The following SP2 variants were observed in gnomAD, a reference collection of about 807,000 sequenced individuals.
SP2 encodes transcription factor Sp2.
Under a neutral mutation model 50.1 loss-of-function variants are expected in SP2, and 9 were observed. The observed-to-expected ratio is 0.18, with a 90% CI of 0.11 to 0.31. The LOEUF is 0.31. Among genes scored for constraint, SP2 ranks in the 10% least tolerant of loss-of-function variants. The pLI, the probability that SP2 is intolerant of heterozygous loss-of-function variation, is 1.00. For synonymous variants in SP2, 313 were observed against 326.6 expected, an observed-to-expected ratio of 0.96 and a Z score of 0.45; for missense variants, 581 against 806.5, an observed-to-expected ratio of 0.72 and a Z score of 3.39.
chr17:47,928,246 C>T lies in SP2; in HGVS notation c.*422C>T, dbSNP rs1299392366. Reference sequence around the variant, plus strand: ...CTCTCCTGCACCTCCCTGGCCCTGCCGGCCACTGTGGACGCCCTGGGGCTT... The same window carrying T: ...CTCTCCTGCACCTCCCTGGCCCTGCTGGCCACTGTGGACGCCCTGGGGCTT... On this transcript the variant is annotated 3_prime_UTR_variant, in exon 7 of 7. Transcript: ENST00000376741. 4 of 162,080 alleles carry T rather than the reference C, an allele frequency of 2.5e-5. No individual in the cohort carries two copies. Among genetic ancestry groups the T allele is most frequent in the Middle Eastern group, 2.9e-3 (1 of 340 alleles). The allele number at this position is 162,080 out of a possible 1,614,324, so 10.0% of individuals were successfully genotyped here.
intron 1 of SP2, among the ~76,000 whole-genome samples, chr17:47,911,730 G>A (rs1400178240): frequency 3.3e-5 from 5 of 151,964 alleles, no homozygotes; most frequent in African/African-American, 4.8e-5. Context: ...GCGTGAACCC[G>A]GGAGGCGGAG....
downstream of SP2, among the ~76,000 whole-genome samples, chr17:47,931,540 T>G (rs1396892115): frequency 6.6e-6 from 1 of 152,154 alleles, no homozygotes; most frequent in African/African-American, 2.4e-5. Context: ...AAAGCTGTCC[T>G]GGTCTGAGTG....
intron 1 of SP2, chr17:47,897,995 C>A: frequency 1.4e-5 from 6 of 429,450 alleles, no homozygotes; most frequent in Non-Finnish European, 1.9e-5. Context: ...TTAAAAGCAA[C>A]TACAAGAAAA....
chr17:47,900,700 C>A lies in SP2; in HGVS notation c.7+4407C>A, dbSNP rs570627012. Among the ~76,000 whole-genome samples the A allele has an allele frequency of 9.9e-5, 15 of 152,276 alleles. No homozygotes were observed. The East Asian group carries it at 2.9e-3, about 29-fold the overall frequency. Reference sequence around the variant, plus strand: ...GCTGAGGCACGGGAATCACTTGAACCCAGGAGGCGGAGATTGCAGTGAGCC... The same window carrying A: ...GCTGAGGCACGGGAATCACTTGAACACAGGAGGCGGAGATTGCAGTGAGCC... On this transcript the variant is annotated intron_variant, in intron 1 of 6. Transcript: ENST00000376741.
intron 1 of SP2, among the ~76,000 whole-genome samples, chr17:47,912,974 C>G (rs1339509974): frequency 6.6e-6 from 1 of 151,974 alleles, no homozygotes; most frequent in African/African-American, 2.4e-5. Context: ...ATTCTCCTGC[C>G]TCAGCCTCCT....
rs188010741 is a variant in SP2, at chr17:47,898,580, T to G, written c.7+2287T>G. 217 of 152,168 alleles carry G rather than the reference T, an allele frequency of 1.4e-3. 1 individual carries two copies. Among genetic ancestry groups the G allele is most frequent in the African/African-American group, 5.2e-3 (215 of 41,512 alleles). 9.4% of individuals were successfully genotyped at this position (152,168 alleles called of 1,614,324 possible). ...TTCTGTGATAGATATGTATAACATG[T>G]TTTTTTTCTAATACTTATTTTTTCA... On this transcript the variant is annotated intron_variant, in intron 1 of 6. Transcript: ENST00000376741.
intron 1 of SP2, among the ~76,000 whole-genome samples, chr17:47,896,600 C>T (rs891170630): frequency 3.9e-5 from 6 of 152,314 alleles, no homozygotes; most frequent in African/African-American, 7.2e-5. Flanking sequence ...GCCTGGCACC[C>T]CTCGGACGGG....
intron 1 of SP2, among the ~76,000 whole-genome samples, chr17:47,911,635 C>T (rs2034989474): frequency 1.3e-5 from 2 of 152,054 alleles, no homozygotes; most frequent in Admixed American, 1.3e-4. Context: ...GAAACCCCCT[C>T]TCTTACTAAA....
rs771676303 is a variant in SP2, at chr17:47,925,559, G to A, written c.1741+18G>A. The stretch of plus-strand genomic sequence containing the variant: ...CCACACAGGTCAGCCCCCTGCCTTC[G>A]GGACCCTCCACCCACAGAGGTCAAA... On this transcript the variant is annotated intron_variant, in intron 6 of 6. Coordinates refer to ENST00000376741, the MANE Select transcript of SP2 (RefSeq NM_003110.6). 22 of 1,603,174 alleles carry A rather than the reference G, an allele frequency of 1.4e-5. No individual in the cohort carries two copies. Among genetic ancestry groups the A allele is most frequent in the Admixed American group, 5.0e-5 (3 of 59,508 alleles).
intron 1 of SP2, chr17:47,900,284 T>C (rs978567926): frequency 6.6e-6 from 1 of 151,926 alleles, no homozygotes; most frequent in African/African-American, 2.4e-5. Context: ...TCCAAGAGAG[T>C]GTGAATAGGA....
At chr17:47,931,236 G>C (rs1187272934), downstream of SP2, among the ~76,000 whole-genome samples, 2 of 152,174 alleles carry the variant, frequency 1.3e-5, no homozygotes, top group African/African-American at 4.8e-5. Context: ...CCAGCTACTT[G>C]GGAGGTTGAG....
rs943257775 is a variant in SP2 at position 47,925,435 on chromosome 17, T to C, written c.1635T>C (p.His545=). 10 of 1,614,140 alleles carry C rather than the reference T, an allele frequency of 6.2e-6. No individual in the cohort carries two copies. The highest frequency in any genetic ancestry group is 5.3e-5 in the African/African-American group (4 of 74,956). The change falls in exon 6 of 7, where the codon CAT becomes CAC. Residue 545 remains histidine, a synonymous_variant. Coordinates refer to ENST00000376741, the MANE Select transcript of SP2 (RefSeq NM_003110.6). ...TFRKTSLLRA[H]VRLHTGERPF... ...GTAAGACGTCCTTGCTGCGTGCCCA[T>C]GTGCGCCTGCACACTGGCGAGCGGC...
chr17:47,919,028 T>TACAC (rs147467124), intron 3 of SP2, among the ~76,000 whole-genome samples: 1 of 151,520 alleles, frequency 6.6e-6, no homozygotes, highest in African/African-American at 2.4e-5. Context: ...CATGCACGCA[T>TACAC]ACACACACAC....
rs1173823355 is a variant in SP2, at chr17:47,925,011, G to T, written c.1465G>T (p.Ala489Ser). Residue 489 changes from alanine to serine, a missense_variant, in exon 5 of 7, where the codon GCC becomes TCC. Ala to Ser is a moderately conservative substitution (Grantham distance 99). Transcript: ENST00000376741. Reference sequence around the variant, plus strand: ...CCAGATCCAGCTGCAAATGGAACAAGCCCTGGCCGGAGAGACCCAGCCCGG... The same window carrying T: ...CCAGATCCAGCTGCAAATGGAACAATCCCTGGCCGGAGAGACCCAGCCCGG... ...PTQIQLQMEQ[A>S]LAGETQPGEK... 1 of 1,614,210 alleles carries T rather than the reference G, an allele frequency of 6.2e-7. No individual in the cohort carries two copies. The highest frequency in any genetic ancestry group is 1.7e-5 in the Admixed American group (1 of 60,030).
At chr17:47,917,173 A>G (rs1023191469) in intron 3 of SP2, 43 bp downstream of exon 3, 8 of 1,537,142 alleles carry the variant, frequency 5.2e-6, no homozygotes, top group Admixed American at 4.0e-5. Flanking sequence ...TCCTCTGGTT[A>G]TCTCTTTTTG....
Position 47,925,111 on chromosome 17 carries a change from C to T in SP2, c.1547+18C>T, listed in dbSNP as rs1435948794. On this transcript the variant is annotated intron_variant, in intron 5 of 6. Transcript: ENST00000376741. ...GAGAAGAGGTAATTCAAGGAGAAGG[C>T]CCAAGCCACAAGGCTGGCCTGTGTT... The T allele has an allele frequency of 1.3e-6, 2 of 1,585,684 alleles. No individual in the cohort carries two copies. The highest frequency in any genetic ancestry group is 1.2e-5 in the South Asian group (1 of 86,920).
intron 3 of SP2, among the ~76,000 whole-genome samples, chr17:47,920,663 C>G (rs896728787): frequency 2.6e-5 from 4 of 152,042 alleles, no homozygotes; most frequent in Non-Finnish European, 5.9e-5. Flanking sequence ...CCTTATGATC[C>G]ACCCGCCTCG....
At chr17:47,896,450 T>G in intron 1 of SP2, 157 bp downstream of exon 1, 1 of 537,808 alleles carries the variant, frequency 1.9e-6, no homozygotes, top group Non-Finnish European at 2.8e-6. Flanking sequence ...GAGGGAGGAT[T>G]CCCGCCCGGA....
At chr17:47,929,356 G>A (rs1246050274), downstream of SP2, among the ~76,000 whole-genome samples, 1 of 152,214 alleles carries the variant, frequency 6.6e-6, no homozygotes, top group Non-Finnish European at 1.5e-5. Flanking sequence ...AGCTTAGAGA[G>A]GAGAGCCAAT....
Sources: gnomAD v4.1 joint callset for allele counts (sites outside exome capture counted in the v4.1 genomes callset) on GRCh38, gnomAD v4.1.1 for gene constraint, MANE v1.5 for transcripts, NCBI Gene and HGNC (gene_info 2026-07-23, HGNC 2026-07-21) for gene names.